ABCA13: variants seen among roughly 807,000 people sequenced by gnomAD.
The protein encoded by ABCA13 is ATP-binding cassette sub-family A member 13.
A neutral mutation model predicts 478.7 loss-of-function variants in ABCA13; 476 were observed. That is an observed-to-expected ratio of 0.99 (90% CI 0.92 to 1.07). The LOEUF (loss-of-function observed/expected upper bound fraction) is 1.07, where lower values mean the gene tolerates loss of function less well. Among genes scored for constraint, ABCA13 ranks in the 50% least tolerant of loss-of-function variants. The probability of loss-of-function intolerance (pLI) is 0.00; values close to 1 mark genes in which losing one functional copy is unlikely to be tolerated. For missense variants in ABCA13, 6,060 were observed against 5,910.6 expected (o/e 1.03, Z -0.83); for synonymous variants, 2,252 against 2,158.9 (o/e 1.04, Z -1.20).
intron 28 of ABCA13, among the ~76,000 whole-genome samples, chr7:48,337,206 T>C (rs1485769852): frequency 6.6e-6 from 1 of 152,176 alleles, no homozygotes; most frequent in Non-Finnish European, 1.5e-5. Flanking sequence ...GCAGGCCTGG[T>C]TCTGCCACTA....
chr7:48,272,087 C>T lies in ABCA13; in HGVS notation c.2421C>T (p.Leu807=), dbSNP rs373518979. 1,614 of 1,613,574 alleles carry T rather than the reference C, an allele frequency of 1.0e-3. 11 individuals are homozygous for T. The highest frequency in any genetic ancestry group is 5.6e-4 in the Non-Finnish European group (665 of 1,179,736). ...GNEVIWKMQT[L]GSHWIRKEPK... ...AAGTGATTTGGAAAATGCAGACTCTCGGAAGTCACTGGATAAGGAAGGAAC... is the reference window on the plus strand; with the variant it reads ...AAGTGATTTGGAAAATGCAGACTCTTGGAAGTCACTGGATAAGGAAGGAAC... Residue 807 remains leucine (L), a synonymous_variant, in exon 17 of 62, where the codon CTC becomes CTT. Coordinates refer to ENST00000435803, the MANE Select transcript of ABCA13 (RefSeq NM_152701.5).
chr7:48,487,975 TTTTG>T (rs1298357558), intron 47 of ABCA13, among the ~76,000 whole-genome samples: 1 of 152,236 alleles, frequency 6.6e-6, no homozygotes, highest in Non-Finnish European at 1.5e-5. Flanking sequence ...GCTGTAGTTT[TTTTG>T]TTTGTTTGTT....
intron 35 of ABCA13, among the ~76,000 whole-genome samples, chr7:48,384,819 GTA>G (rs913690762): frequency 6.6e-6 from 1 of 152,086 alleles, no homozygotes; most frequent in Non-Finnish European, 1.5e-5. Flanking sequence ...GTGTATGTGG[GTA>G]TATATATGGA....
At chr7:48,365,246 T>C in intron 31 of ABCA13, among the ~76,000 whole-genome samples, 1 of 152,120 alleles carries the variant, frequency 6.6e-6, no homozygotes, top group East Asian at 1.9e-4. Context: ...CTTTTGCCTA[T>C]GTTTTAATTG....
In ABCA13 at chr7:48,278,120, A is replaced by G. The variant is rs974734708; in HGVS notation, c.6926A>G (p.Glu2309Gly). 2 of 1,361,750 alleles carry G rather than the reference A, an allele frequency of 1.5e-6. No homozygotes were observed. Among genetic ancestry groups the G allele is most frequent in the Non-Finnish European group, 9.7e-7 (1 of 1,032,882 alleles). The allele number at this position is 1,361,750 out of a possible 1,614,324, so 84.4% of individuals were successfully genotyped here. A position where few individuals can be genotyped will look rare whatever the true frequency, so the allele number is the denominator to read the frequency against. Residue 2309 changes from glutamate to glycine, a missense_variant, in exon 18 of 62, where the codon GAA (glutamate) becomes GGA (glycine). Physicochemically the swap from Glu to Gly is moderately conservative, Grantham distance 98 (BLOSUM62 -2). Around this residue, in one of 3 missense-constraint regions of ABCA13, gnomAD observed 4,423 missense variants for 4,309.1 expected, o/e 1.03. Coordinates refer to ENST00000435803, the MANE Select transcript of ABCA13 (RefSeq NM_152701.5). ...MSFVPKDKIL[E>G]ILKLDQFLTL... is the part of the protein sequence containing the mutation. ...TTTGTCCCAAAAGATAAAATTCTAGAAATTCTGAAACTGGATCAATTTCTT... is the reference window on the plus strand; with the variant it reads ...TTTGTCCCAAAAGATAAAATTCTAGGAATTCTGAAACTGGATCAATTTCTT...
chr7:48,479,414 T>G (rs981502061), intron 45 of ABCA13, among the ~76,000 whole-genome samples: 2 of 152,034 alleles, frequency 1.3e-5, no homozygotes, highest in African/African-American at 4.8e-5. Flanking sequence ...ATTTTTGCAT[T>G]TTTATTAGAG....
intron 19 of ABCA13, among the ~76,000 whole-genome samples, chr7:48,286,238 G>A (rs2128797648): frequency 6.6e-6 from 1 of 152,200 alleles, no homozygotes; most frequent in East Asian, 1.9e-4. Context: ...TCATTCTATG[G>A]GTTAGGACAA....
intron 42 of ABCA13, among the ~76,000 whole-genome samples, chr7:48,446,939 G>C (rs953675572): frequency 6.6e-6 from 1 of 152,006 alleles, no homozygotes; most frequent in Non-Finnish European, 1.5e-5. Context: ...AAATAGATTT[G>C]GGCAGGATAA....
intron 42 of ABCA13, among the ~76,000 whole-genome samples, chr7:48,443,322 A>AT (rs1401868325): frequency 3.3e-5 from 5 of 152,162 alleles, no homozygotes; most frequent in Admixed American, 3.3e-4. Flanking sequence ...CGGCTGGTTG[A>AT]TTCCTCAGGC....
At position 48,331,151 on chromosome 7, in the gene ABCA13, A is replaced by G. The variant is rs192063538; in HGVS notation, c.10000-4271A>G. ...AAACCCAGAGCTAATATCTTGTGCT[A>G]TGACCTAGTCACATTCTTTTAATAT... On this transcript the variant is annotated intron_variant, in intron 27 of 61. Transcript: ENST00000435803. Among the ~76,000 whole-genome samples, 5 of 152,344 alleles carry G rather than the reference A, an allele frequency of 3.3e-5. No individual in the cohort carries two copies. The East Asian group carries it at 7.7e-4, about 23-fold the overall frequency.
chr7:48,481,755 G>A (rs1458742308), intron 46 of ABCA13, among the ~76,000 whole-genome samples: 4 of 151,934 alleles, frequency 2.6e-5, no homozygotes, highest in East Asian at 3.9e-4. Flanking sequence ...TGATCCTCCC[G>A]CCTCAGGCTC....
chr7:48,220,506 G>A (rs933929263), intron 4 of ABCA13, among the ~76,000 whole-genome samples: 16 of 151,982 alleles, frequency 1.1e-4, no homozygotes, highest in African/African-American at 3.4e-4. Context: ...ACAAAACCAC[G>A]AAATAAAGAG....
At chr7:48,508,097 A>T (rs2130877324) in intron 50 of ABCA13, 48 bp downstream of exon 50, 1 of 1,612,026 alleles carries the variant, frequency 6.2e-7, no homozygotes, top group African/African-American at 1.3e-5. Flanking sequence ...TAGTGATCTA[A>T]ATAGTGCGTG....
At chr7:48,198,129 G>C in intron 2 of ABCA13, 108 bp from the exon 3 acceptor site, 3 of 1,152,556 alleles carry the variant, frequency 2.6e-6, no homozygotes, top group Non-Finnish European at 3.5e-6. Context: ...TAATAGCAAG[G>C]TTAATAATAT....
At position 48,615,333 on chromosome 7, in the gene ABCA13, C is replaced by T. The variant is rs549055259; in HGVS notation, c.14793C>T (p.Asn4931=). Residue 4931 remains asparagine, a synonymous_variant, in exon 59 of 62, where the codon AAC becomes AAT. Coordinates refer to ENST00000435803, the MANE Select transcript of ABCA13 (RefSeq NM_152701.5). ...GCACAAGACTGGCCATAATGGTTAA[C>T]GGCAGCTTCAAATGTCTTGGTTCTC... ...ALCTRLAIMV[N]GSFKCLGSPQ... The T allele has an allele frequency of 3.2e-5, 51 of 1,581,278 alleles. No individual in the cohort carries two copies. The highest frequency in any genetic ancestry group is 8.1e-5 in the African/African-American group (6 of 74,490).
At chr7:48,378,165 A>G (rs1029982769) in intron 35 of ABCA13, among the ~76,000 whole-genome samples, 7 of 152,152 alleles carry the variant, frequency 4.6e-5, no homozygotes, top group African/African-American at 1.7e-4. Flanking sequence ...CTCACTGTCT[A>G]GGTCATATTT....
At chr7:48,297,949 T>A (rs950984051) in intron 22 of ABCA13, among the ~76,000 whole-genome samples, 1 of 151,020 alleles carries the variant, frequency 6.6e-6, no homozygotes, top group Non-Finnish European at 1.5e-5. Context: ...TATTTTTTTT[T>A]TTTTTTTTGT....
intron 45 of ABCA13, among the ~76,000 whole-genome samples, chr7:48,476,144 A>G (rs745875009): frequency 1.3e-5 from 2 of 152,198 alleles, no homozygotes; most frequent in Admixed American, 6.5e-5. Context: ...GAGTGAAATT[A>G]AGGTGTCTGA....
chr7:48,470,641 G>A (rs954802456), intron 44 of ABCA13, among the ~76,000 whole-genome samples: 1 of 152,136 alleles, frequency 6.6e-6, no homozygotes, highest in South Asian at 2.1e-4. Context: ...ATTGTACTTT[G>A]CTAACCTGGT....
Sources: allele counts gnomAD v4.1 joint callset (sites outside exome capture counted in the v4.1 genomes callset), GRCh38; gene constraint gnomAD v4.1.1; regional missense constraint gnomAD v4.1.1; transcripts MANE v1.5; gene names NCBI Gene and HGNC (gene_info 2026-07-23, HGNC 2026-07-21).